The following LMO7 variants were observed in gnomAD, a reference collection of about 807,000 sequenced individuals.
LMO7 encodes LIM domain 7.
LMO7 carries 120 observed loss-of-function variants against 206.5 expected under a neutral mutation model. The ratio of observed to expected loss-of-function variants is 0.58; its 90% CI spans 0.50 to 0.68. LMO7 has a LOEUF of 0.68. Ranked by LOEUF, LMO7 falls within the 30% of genes least tolerant of loss-of-function variation. LMO7 has a pLI of 0.00. For synonymous variants in LMO7, 706 were observed against 681.5 expected (o/e 1.04, Z -0.56); for missense variants, 1,959 against 1,957.9 (o/e 1.00, Z -0.01).
intron 2 of LMO7, among the ~76,000 whole-genome samples, chr13:75,624,749 C>T (rs9600508): frequency 0.12 from 17,653 of 152,194 alleles, 1,359 homozygotes; most frequent in Middle Eastern, 0.29. Flanking sequence ...GACTTACTAT[C>T]ACGGGAACAG....
At chr13:75,805,973 G>C in intron 9 of LMO7, 1 of 1,110,482 alleles carries the variant, frequency 9.0e-7, no homozygotes, top group African/African-American at 1.6e-5. Flanking sequence ...CATAGTCATA[G>C]CACGGCATTA....
chr13:75,770,802 C>T (rs1311517802), intron 4 of LMO7, among the ~76,000 whole-genome samples: 1 of 152,014 alleles, frequency 6.6e-6, no homozygotes, highest in African/African-American at 2.4e-5. Flanking sequence ...TAATAACAGC[C>T]CAGCCAGGTA....
chr13:75,663,432 C>CTTTCTTTCTT (rs1555289857), intron 1 of LMO7, among the ~76,000 whole-genome samples: 91 of 111,392 alleles, frequency 8.2e-4, no homozygotes, highest in African/African-American at 3.2e-3. Context: ...TTCTTTCTTT[C>CTTTCTTTCTT]TTTTTTTTTT....
intron 1 of LMO7, among the ~76,000 whole-genome samples, chr13:75,657,756 A>G (rs919511708): frequency 3.9e-5 from 6 of 152,158 alleles, no homozygotes; most frequent in Non-Finnish European, 2.9e-5. Flanking sequence ...GTTTTTGTGT[A>G]TATTTTATAT....
At chr13:75,656,142 C>T (rs532071529) in intron 1 of LMO7, among the ~76,000 whole-genome samples, 13 of 152,260 alleles carry the variant, frequency 8.5e-5, no homozygotes, top group South Asian at 6.2e-4. Context: ...CTGTAAACTG[C>T]GGGCAAAGCC....
At chr13:75,766,855 TACAAAGACTTCCTGGATATCTTAAA>T (rs1345567646) in intron 4 of LMO7, among the ~76,000 whole-genome samples, 1 of 152,122 alleles carries the variant, frequency 6.6e-6, no homozygotes, top group Non-Finnish European at 1.5e-5. Flanking sequence ...GGATTTCAAT[TACAAAGACTTCCTGGATATCTTAAA>T]ACCAGGCTTT....
chr13:75,640,080 T>TA (rs2036373061), intron 1 of LMO7, among the ~76,000 whole-genome samples: 1 of 16,638 alleles, frequency 6.0e-5, no homozygotes, highest in African/African-American at 2.5e-4. Flanking sequence ...TTTTAGTAAT[T>TA]ATATATAATT....
Position 75,807,880 on chromosome 13 carries a change from G to C in LMO7, c.1597G>C (p.Gly533Arg). 1 of 1,613,898 alleles carries C rather than the reference G, an allele frequency of 6.2e-7. No homozygotes were observed. Among genetic ancestry groups the C allele is most frequent in the Non-Finnish European group, 8.5e-7 (1 of 1,179,852 alleles). ...ACAGAAGAAAGAAGTGCCGCTGTCT[G>C]GGGCCCCAGATAGATACCACCCAGT... ...PAQKKEVPLSGAPDRYHPVPF... is the reference protein window; with the variant it reads ...PAQKKEVPLSRAPDRYHPVPF... Residue 533 changes from glycine to arginine, a missense_variant, in exon 10 of 31, where the codon GGG becomes CGG. Coordinates refer to ENST00000377534, the MANE Select transcript of LMO7 (RefSeq NM_001306080.2).
At position 75,713,291 on chromosome 13, in the gene LMO7, AAG is replaced by A. The variant is rs773515937; in HGVS notation, c.140+41_140+42del. The stretch of plus-strand genomic sequence containing the variant: ...GTATTTAAAAAATAATTCAAAAGCA[AAG>A]ATATGTGTGTGTGTGAGTGATGAGG... On this transcript the variant is annotated intron_variant, in intron 2 of 30. Transcript: ENST00000377534. 20 of 1,469,462 alleles carry A rather than the reference AAG, an allele frequency of 1.4e-5. No individual in the cohort carries two copies. The South Asian group carries it at 1.9e-4, about 14-fold the overall frequency. 91.0% of individuals were successfully genotyped at this position (1,469,462 alleles called of 1,614,324 possible). A position where few individuals can be genotyped will look rare whatever the true frequency, so the allele number is the denominator to read the frequency against.
At chr13:75,651,012 G>A (rs1290046703) in intron 1 of LMO7, among the ~76,000 whole-genome samples, 6 of 152,222 alleles carry the variant, frequency 3.9e-5, no homozygotes, top group South Asian at 2.1e-4. Context: ...TGTTTTATTC[G>A]AAGGATAAAA....
intron 1 of LMO7, among the ~76,000 whole-genome samples, chr13:75,700,499 T>C (rs1157266954): frequency 6.6e-6 from 1 of 152,278 alleles, no homozygotes; most frequent in Non-Finnish European, 1.5e-5. Context: ...TGCAATACTG[T>C]AGATCTTAGC....
chr13:75,808,040 A>G lies in LMO7; in HGVS notation c.1757A>G (p.Asp586Gly), dbSNP rs776380308. 18 of 1,613,868 alleles carry G rather than the reference A, an allele frequency of 1.1e-5. No individual in the cohort carries two copies. The highest frequency in any genetic ancestry group is 6.7e-5 in the African/African-American group (5 of 74,924). The change falls in exon 10 of 31, where the codon GAT becomes GGT. Residue 586 changes from aspartate (D) to glycine (G), a missense_variant. Asp to Gly is a moderately conservative substitution (Grantham distance 94). Transcript: ENST00000377534. ...ILVPSYRQKK[D>G]DMLTRKIQSW... ...GTTCCTTCATATCGGCAGAAGAAAG[A>G]TGACATGCTGACACGTAAGATTCAG... is the stretch of plus-strand genomic sequence containing the variant.
chr13:75,729,777 C>T (rs2138708762), intron 3 of LMO7, among the ~76,000 whole-genome samples: 2 of 151,248 alleles, frequency 1.3e-5, no homozygotes, highest in East Asian at 3.9e-4. Context: ...TCATAGATAG[C>T]TCTTATTATT....
At chr13:75,834,179 A>T in intron 16 of LMO7, 47 bp from the exon 17 acceptor site, 1 of 1,442,858 alleles carries the variant, frequency 6.9e-7, no homozygotes, top group Non-Finnish European at 9.5e-7. Context: ...CTAATAGAAC[A>T]TGTGGGATTT....
At chr13:75,741,910 C>T (rs2139191251) in intron 3 of LMO7, among the ~76,000 whole-genome samples, 1 of 152,096 alleles carries the variant, frequency 6.6e-6, no homozygotes. Flanking sequence ...TAAGTGGCAT[C>T]CAAATAGAAA....
At chr13:75,621,227 A>G (rs2033293578) in exon 1 of LMO7, 1 of 152,330 alleles carries the variant, frequency 6.6e-6, no homozygotes, top group South Asian at 2.1e-4. Flanking sequence ...CTAATTTTCT[A>G]AAGAATTTAA....
At chr13:75,759,835 T>G (rs980823196) in intron 3 of LMO7, among the ~76,000 whole-genome samples, 2 of 152,170 alleles carry the variant, frequency 1.3e-5, no homozygotes, top group African/African-American at 4.8e-5. Flanking sequence ...TTTCTCCAAG[T>G]GGCAGACTAT....
In LMO7 at chr13:75,817,041, A is replaced by G. The variant is rs1472445052; in HGVS notation, c.1947-120A>G. On this transcript the variant is annotated intron_variant, in intron 11 of 30. Transcript: ENST00000377534. ...TCTGTAGTGCTACTTCTGTGACACTATCACTGAAGCGTCTAGGTAGAAATT... is the reference window on the plus strand; with the variant it reads ...TCTGTAGTGCTACTTCTGTGACACTGTCACTGAAGCGTCTAGGTAGAAATT... 4 of 661,092 alleles carry G rather than the reference A, an allele frequency of 6.1e-6. No homozygotes were observed. The Admixed American group carries it at 7.3e-5, about 12-fold the overall frequency. The allele number at this position is 661,092 out of a possible 1,614,324, so 41.0% of individuals were successfully genotyped here. A position where few individuals can be genotyped will look rare whatever the true frequency, so the allele number is the denominator to read the frequency against.
chr13:75,688,285 A>G (rs1473557158), intron 1 of LMO7, among the ~76,000 whole-genome samples: 1 of 152,232 alleles, frequency 6.6e-6, no homozygotes, highest in Non-Finnish European at 1.5e-5. Flanking sequence ...TGGATTTCAT[A>G]CTGTAGGTCT....
Sources: gnomAD v4.1 joint callset for allele counts (sites outside exome capture counted in the v4.1 genomes callset) on GRCh38, gnomAD v4.1.1 for gene constraint, MANE v1.5 for transcripts, NCBI Gene and HGNC (gene_info 2026-07-23, HGNC 2026-07-21) for gene names.